The following ZNF431 variants were observed in gnomAD, a reference collection of about 807,000 sequenced individuals.
ZNF431 encodes the protein zinc finger protein 431.
Under a neutral mutation model 57.0 loss-of-function variants are expected in ZNF431, and 34 were observed. That is an observed-to-expected ratio of 0.60 (90% CI 0.45 to 0.79). The LOEUF is 0.79. Ranked by LOEUF, ZNF431 falls within the 30% of genes least tolerant of loss-of-function variation. The pLI, the probability that ZNF431 is intolerant of heterozygous loss-of-function variation, is 0.00. For synonymous variants in ZNF431, 207 were observed against 220.3 expected (o/e 0.94, Z 0.54); for missense variants, 607 against 667.1 (o/e 0.91, Z 0.99).
Position 21,189,334 on chromosome 19 carries a change from A to AT in ZNF431, c.*5301dup, listed in dbSNP as rs1210046299. 6.6e-6 allele frequency: 1 copy of AT among 152,140 alleles called. No homozygotes were observed. Among genetic ancestry groups the AT allele is most frequent in the Non-Finnish European group, 1.5e-5 (1 of 68,034 alleles). The allele number at this position is 152,140 out of a possible 1,614,324, so 9.4% of individuals were successfully genotyped here. ...ACCCTGTCTCTACTAAAAATACAAA[A>AT]TAAGCAGCGTGTGGTGACACATGCC... On this transcript the variant is annotated 3_prime_UTR_variant, in exon 5 of 5. Coordinates refer to ENST00000311048, the MANE Select transcript of ZNF431 (RefSeq NM_133473.4).
At chr19:21,151,621 T>TA (rs1451765896) in intron 2 of ZNF431, among the ~76,000 whole-genome samples, 1 of 152,044 alleles carries the variant, frequency 6.6e-6, no homozygotes, top group African/African-American at 2.4e-5. Flanking sequence ...CAAGAGAAAA[T>TA]ACTGTCATGT....
At chr19:21,162,144 T>TG (rs1568303312) in intron 2 of ZNF431, among the ~76,000 whole-genome samples, 1 of 66,072 alleles carries the variant, frequency 1.5e-5, no homozygotes, top group Non-Finnish European at 4.4e-5. Flanking sequence ...ATCCAGCTAA[T>TG]TGTGTGTGTG....
intron 3 of ZNF431, among the ~76,000 whole-genome samples, chr19:21,167,253 C>T (rs1465651358): frequency 2.0e-5 from 3 of 151,930 alleles, no homozygotes; most frequent in Non-Finnish European, 4.4e-5. Flanking sequence ...CTCCGCCTCC[C>T]GGGTCCAAGC....
rs958645693 is a variant in ZNF431 at position 21,183,953 on chromosome 19, C to T, written c.1650C>T (p.Asn550=). Residue 550 remains asparagine (N), a synonymous_variant, in exon 5 of 5, where the codon AAC becomes AAT. Transcript: ENST00000311048. The part of the protein sequence containing the change: ...YNCEECDNTF[N]QSSNLIKQNN... ...GTGAAGAATGTGACAATACATTTAACCAGTCCTCAAACCTTATTAAACAAA... is the reference window on the plus strand; with the variant it reads ...GTGAAGAATGTGACAATACATTTAATCAGTCCTCAAACCTTATTAAACAAA... 1.9e-6 allele frequency: 3 copies of T among 1,608,146 alleles called. No individual in the cohort carries two copies. The highest frequency in any genetic ancestry group is 3.4e-5 in the Admixed American group (2 of 58,774).
rs1424829968 is a variant in ZNF431, at chr19:21,185,920, GTTA to G, written c.*1889_*1891del. 6.6e-6 allele frequency: 1 copy of G among 152,014 alleles called. No individual in the cohort carries two copies. The highest frequency in any genetic ancestry group is 1.9e-4 in the East Asian group (1 of 5,196). 9.4% of individuals were successfully genotyped at this position (152,014 alleles called of 1,614,324 possible). ...CAATTAAATTTTTATTTACCACAGT[GTTA>G]TTTTTATCGTCATAATAAAAATTAT... On this transcript the variant is annotated 3_prime_UTR_variant, in exon 5 of 5. Transcript: ENST00000311048.
At chr19:21,168,716 GAT>G (rs34990099) in intron 4 of ZNF431, among the ~76,000 whole-genome samples, 23,260 of 151,662 alleles carry the variant, frequency 0.15, 2,090 homozygotes, top group Non-Finnish European at 0.21. Context: ...TTTTTTCATT[GAT>G]ATATATTTCA....
intron 4 of ZNF431, among the ~76,000 whole-genome samples, chr19:21,180,780 C>T (rs536832862): frequency 1.1e-4 from 17 of 151,998 alleles, no homozygotes; most frequent in Non-Finnish European, 2.4e-4. Flanking sequence ...AACCCTATCT[C>T]TACTAAAAAT....
At position 21,182,941 on chromosome 19, in the gene ZNF431, T is replaced by C; in HGVS notation, c.638T>C (p.Phe213Ser). 6.2e-7 allele frequency: 1 copy of C among 1,614,084 alleles called. No individual in the cohort carries two copies. The highest frequency in any genetic ancestry group is 1.1e-5 in the South Asian group (1 of 91,070). The change falls in exon 5 of 5, where the codon TTT becomes TCT. Residue 213 changes from phenylalanine to serine, a missense_variant. Transcript: ENST00000311048. ...PFKCKKCGKS[F>S]CMLLHLSQHK... is the part of the protein sequence containing the mutation. Reference sequence around the variant, plus strand: ...AAATGTAAAAAATGTGGCAAATCATTTTGCATGCTTTTACACCTAAGTCAA... The same window carrying C: ...AAATGTAAAAAATGTGGCAAATCATCTTGCATGCTTTTACACCTAAGTCAA...
rs1568316031 is a variant in ZNF431 at position 21,183,170 on chromosome 19, A to T, written c.867A>T (p.Arg289Ser). The T allele has an allele frequency of 6.2e-7, 1 of 1,614,038 alleles. No individual in the cohort carries two copies. ...TTCATACTGGGGAGAAACCATATAG[A>T]TGTGAAGAATGTGGCAAAGCCTTCA... ...KIIHTGEKPY[R>S]CEECGKAFNR... The change falls in exon 5 of 5, where the codon AGA (arginine) becomes AGT (serine). Residue 289 changes from arginine (R) to serine (S), a missense_variant. Transcript: ENST00000311048.
chr19:21,163,883 C>G (rs1475372933), intron 2 of ZNF431, among the ~76,000 whole-genome samples: 1 of 151,900 alleles, frequency 6.6e-6, no homozygotes, highest in Admixed American at 6.6e-5. Context: ...GCCCACTTCT[C>G]TCATTAGGAT....
intron 1 of ZNF431, among the ~76,000 whole-genome samples, chr19:21,142,622 T>G (rs978018815): frequency 4.6e-5 from 7 of 152,230 alleles, no homozygotes; most frequent in African/African-American, 1.7e-4. Flanking sequence ...AATAATTTAA[T>G]CAAAGAGTGA....
chr19:21,169,537 G>T (rs940591251), intron 4 of ZNF431, among the ~76,000 whole-genome samples: 6 of 152,294 alleles, frequency 3.9e-5, no homozygotes, highest in African/African-American at 1.4e-4. Flanking sequence ...GTGAAGAGGG[G>T]TTGTAGCTTT....
At position 21,153,983 on chromosome 19, in the gene ZNF431, T is replaced by G. The variant is rs543914828; in HGVS notation, c.96+10340T>G. 8.5e-5 allele frequency among the ~76,000 whole-genome samples: 13 copies of G among 152,326 alleles called. 1 individual carries two copies. In the South Asian group the frequency reaches 2.7e-3, roughly 32 times the overall value. ...CACCTGCCTTGGCCTCCCAAAGTAC[T>G]GGGATTACAGGCATGAGCCGCCGCA... On this transcript the variant is annotated intron_variant, in intron 2 of 4. Transcript: ENST00000311048.
rs150992116 is a variant in ZNF431, at chr19:21,165,067, C to G, written c.97-1268C>G. 4.0e-3 allele frequency among the ~76,000 whole-genome samples: 585 copies of G among 146,040 alleles called. 3 individuals are homozygous for G. The highest frequency in any genetic ancestry group is 0.014 in the African/African-American group (541 of 38,976). ...GAGGTTGTGGTGAGCCGAGATCACA[C>G]CATTGCACTTCACCCTGGGCAACTC... On this transcript the variant is annotated intron_variant, in intron 2 of 4. Coordinates refer to ENST00000311048, the MANE Select transcript of ZNF431 (RefSeq NM_133473.4).
Position 21,182,636 on chromosome 19 carries a change from T to C in ZNF431, c.333T>C (p.Tyr111=), listed in dbSNP as rs1568315066. The change falls in exon 5 of 5, where the codon TAT becomes TAC. Residue 111 remains tyrosine (Y), a synonymous_variant. Transcript: ENST00000311048. ...MVDEPPAMCS[Y]FTKDLWPEQD... ...TATTTCTTTCAGCTATGTGTTCTTA[T>C]TTTACCAAAGACCTTTGGCCAGAGC... 1 of 1,596,386 alleles carries C rather than the reference T, an allele frequency of 6.3e-7. No homozygotes were observed. The highest frequency in any genetic ancestry group is 8.5e-7 in the Non-Finnish European group (1 of 1,174,404).
Position 21,189,056 on chromosome 19 carries a change from G to A in ZNF431, c.*5022G>A, listed in dbSNP as rs1041241848. ...TAACCAAGATTATCACAAAGACACA[G>A]TATTTGACACATTGTTATTCTTCTA... is the stretch of plus-strand genomic sequence containing the variant. On this transcript the variant is annotated 3_prime_UTR_variant, in exon 5 of 5. Transcript: ENST00000311048. 1 of 152,086 alleles carries A rather than the reference G, an allele frequency of 6.6e-6. No individual in the cohort carries two copies. Among genetic ancestry groups the A allele is most frequent in the Non-Finnish European group, 1.5e-5 (1 of 68,034 alleles). The allele number at this position is 152,086 out of a possible 1,614,324, so 9.4% of individuals were successfully genotyped here.
chr19:21,147,641 G>A (rs967221250), intron 2 of ZNF431, among the ~76,000 whole-genome samples: 1 of 151,138 alleles, frequency 6.6e-6, no homozygotes, highest in Non-Finnish European at 1.5e-5. Flanking sequence ...AAGGAAATTT[G>A]GTTAGCTCTG....
At chr19:21,159,905 G>A (rs966723285) in intron 2 of ZNF431, among the ~76,000 whole-genome samples, 2 of 151,316 alleles carry the variant, frequency 1.3e-5, no homozygotes, top group Non-Finnish European at 2.9e-5. Flanking sequence ...GTCTTTGGAG[G>A]ATGTATCTTT....
In ZNF431 at chr19:21,191,011, C is replaced by T. The variant is rs1006813431; in HGVS notation, c.*6977C>T. 1 of 151,988 alleles carries T rather than the reference C, an allele frequency of 6.6e-6. No individual in the cohort carries two copies. The highest frequency in any genetic ancestry group is 2.4e-5 in the African/African-American group (1 of 41,370). 9.4% of individuals were successfully genotyped at this position (151,988 alleles called of 1,614,324 possible). ...ATTTTAAATACACTTTTGATATTAA[C>T]CTCTTGTCACATGTATAATTTGCAA... On this transcript the variant is annotated 3_prime_UTR_variant, in exon 5 of 5. Coordinates refer to ENST00000311048, the MANE Select transcript of ZNF431 (RefSeq NM_133473.4).
Sources: gnomAD v4.1 joint callset for allele counts (sites outside exome capture counted in the v4.1 genomes callset) on GRCh38, gnomAD v4.1.1 for gene constraint, MANE v1.5 for transcripts, NCBI Gene and HGNC (gene_info 2026-07-23, HGNC 2026-07-21) for gene names.